The following CYP3A4 variants were observed in gnomAD, a reference collection of about 807,000 sequenced individuals.
CYP3A4 encodes cytochrome P450 family 3 subfamily A member 4, also known as cytochrome P450 3A4.
Under a neutral mutation model 54.9 loss-of-function variants are expected in CYP3A4, and 41 were observed. The observed-to-expected ratio is 0.75, with a 90% CI of 0.58 to 0.97. The LOEUF (loss-of-function observed/expected upper bound fraction) is 0.97. CYP3A4 is among the 50% of genes least tolerant of loss of function. CYP3A4 has a pLI of 0.00. For missense variants in CYP3A4, 510 were observed against 597.3 expected (o/e 0.85, Z 1.52); for synonymous variants, 179 against 205.2 (o/e 0.87, Z 1.09).
rs28988599 is a variant in CYP3A4 at position 99,759,326 on chromosome 7, A to C, written c.1417-1098T>G. 6.7e-3 allele frequency among the ~76,000 whole-genome samples: 1,015 copies of C among 152,362 alleles called. 15 individuals carry two copies. Among genetic ancestry groups the C allele is most frequent in the African/African-American group, 0.023 (975 of 41,582 alleles). On this transcript the variant is annotated intron_variant, in intron 12 of 12. Coordinates refer to ENST00000651514, the MANE Select transcript of CYP3A4 (RefSeq NM_017460.6). ...GTTCTTTAACTTCTTCAGAGAAAAT[A>C]TTTCAAATCTTTCTATAAATATAAT...
intron 1 of CYP3A4, among the ~76,000 whole-genome samples, chr7:99,781,102 A>G (rs578257308): frequency 2.6e-4 from 40 of 152,258 alleles, no homozygotes; most frequent in African/African-American, 9.4e-4. Flanking sequence ...TCCTCGTGAC[A>G]ATGAGTTTTT....
chr7:99,762,097 A>T lies in CYP3A4; in HGVS notation c.1197T>A (p.Tyr399Ter), dbSNP rs1815349383. Residue 399 changes from tyrosine (Y) to a stop codon, truncating the protein, a stop_gained, in exon 11 of 13, where the codon TAT (tyrosine) becomes TAA (stop). Transcript: ENST00000651514. LOFTEE classifies it high-confidence loss of function. ...PKGVVVMIPS[Y>*]ALHRDPKYWT... is the part of the protein sequence containing the mutation. ...AGTACTTTGGGTCACGGTGAAGAGC[A>T]TAGCTTGGAATCATCACCACCACCC... 1 of 1,614,050 alleles carries T rather than the reference A, an allele frequency of 6.2e-7. No homozygotes were observed. Among genetic ancestry groups the T allele is most frequent in the African/African-American group, 1.3e-5 (1 of 75,012 alleles).
chr7:99,760,791 A>T, intron 12 of CYP3A4, 28 bp downstream of exon 12: 9 of 1,609,524 alleles, frequency 5.6e-6, no homozygotes, highest in Non-Finnish European at 6.8e-6. Flanking sequence ...TATTAATACA[A>T]CATTATTTTT....
At position 99,770,104 on chromosome 7, in the gene CYP3A4, C is replaced by T. The variant is rs749512155; in HGVS notation, c.432+18G>A. On this transcript the variant is annotated intron_variant, in intron 5 of 12. Transcript: ENST00000651514. ...TCATTCTTTAAGTTTCTTATTAAAA[C>T]TCATGTTATTTTCATACCTCCTTGA... 11 of 1,598,880 alleles carry T rather than the reference C, an allele frequency of 6.9e-6. No homozygotes were observed. The African/African-American group carries it at 9.4e-5, about 14-fold the overall frequency.
chr7:99,774,263 A>G (rs1224572880), intron 3 of CYP3A4, among the ~76,000 whole-genome samples: 1 of 152,222 alleles, frequency 6.6e-6, no homozygotes, highest in African/African-American at 2.4e-5. Flanking sequence ...TACCAGAGAT[A>G]CAAAGAGGAG....
At position 99,770,234 on chromosome 7, in the gene CYP3A4, G is replaced by C. The variant is rs748422560; in HGVS notation, c.320C>G (p.Pro107Arg). The change falls in exon 5 of 13, where the codon CCT (proline) becomes CGT (arginine). Residue 107 changes from proline to arginine, a missense_variant and splice_region_variant. By Grantham distance (103) the Pro-to-Arg change is moderately radical. Transcript: ENST00000651514. Reference sequence around the variant, plus strand: ...TTTCATAAATCCCACTGGACCAAAAGGCTAGAGTTCAAAGCAGAAACATTT... The same window carrying C: ...TTTCATAAATCCCACTGGACCAAAACGCTAGAGTTCAAAGCAGAAACATTT... ...ECYSVFTNRR[P>R]FGPVGFMKSA... 1.9e-6 allele frequency: 3 copies of C among 1,609,692 alleles called. No homozygotes were observed. Among genetic ancestry groups the C allele is most frequent in the Non-Finnish European group, 2.6e-6 (3 of 1,176,164 alleles).
chr7:99,768,132 G>A (rs894064849), intron 7 of CYP3A4, among the ~76,000 whole-genome samples: 2 of 152,138 alleles, frequency 1.3e-5, no homozygotes, highest in African/African-American at 2.4e-5. Context: ...ATGATGACAG[G>A]GTTTGTGACA....
At chr7:99,761,598 A>G (rs942774917) in intron 11 of CYP3A4, among the ~76,000 whole-genome samples, 1 of 152,210 alleles carries the variant, frequency 6.6e-6, no homozygotes, top group Non-Finnish European at 1.5e-5. Context: ...GTAATGCAGT[A>G]TCATCACTGC....
chr7:99,758,136 G>A lies in CYP3A4; in HGVS notation c.1509C>T (p.Ala503=). 1 of 1,613,610 alleles carries A rather than the reference G, an allele frequency of 6.2e-7. No homozygotes were observed. Reference sequence around the variant, plus strand: ...AAGCAGAAGTCCTTAGGAAAATTCAGGCTCCACTTACGGTGCCATCCCTTG... The same window carrying A: ...AAGCAGAAGTCCTTAGGAAAATTCAAGCTCCACTTACGGTGCCATCCCTTG... ...VESRDGTVSG[A] Residue 503 remains alanine (A), a synonymous_variant, in exon 13 of 13, where the codon GCC becomes GCT. Transcript: ENST00000651514.
At chr7:99,762,933 C>T (rs1311733872) in intron 10 of CYP3A4, among the ~76,000 whole-genome samples, 1 of 152,214 alleles carries the variant, frequency 6.6e-6, no homozygotes, top group East Asian at 1.9e-4. Flanking sequence ...CTTCATACCA[C>T]AAAGAATCCC....
chr7:99,765,916 G>A (rs1563040904), intron 9 of CYP3A4, among the ~76,000 whole-genome samples: 1 of 152,114 alleles, frequency 6.6e-6, no homozygotes, highest in African/African-American at 2.4e-5. Flanking sequence ...TTTTGGAACA[G>A]CGTGGCTCCT....
chr7:99,766,867 C>G, intron 8 of CYP3A4: 1 of 377,670 alleles, frequency 2.6e-6, no homozygotes, highest in Non-Finnish European at 4.8e-6. Context: ...AAAGTTTTAT[C>G]TCAATAAAAT....
rs1249052361 is a variant in CYP3A4, at chr7:99,757,177, A to C, written c.*956T>G. 2 of 152,170 alleles carry C rather than the reference A, an allele frequency of 1.3e-5. No individual in the cohort carries two copies. Among genetic ancestry groups the C allele is most frequent in the African/African-American group, 4.8e-5 (2 of 41,442 alleles). The allele number at this position is 152,170 out of a possible 1,614,324, so 9.4% of individuals were successfully genotyped here. ...GTTACAAAATGTACGTGCTTCAAAA[A>C]GGCATATTTTTTTAAGACTGAGTCT... On this transcript the variant is annotated 3_prime_UTR_variant, in exon 13 of 13. Coordinates refer to ENST00000651514, the MANE Select transcript of CYP3A4 (RefSeq NM_017460.6).
intron 12 of CYP3A4, among the ~76,000 whole-genome samples, chr7:99,759,705 T>C (rs949970228): frequency 1.6e-4 from 24 of 152,260 alleles, no homozygotes; most frequent in African/African-American, 5.5e-4. Flanking sequence ...AAATTTATGA[T>C]AATAGCCTCC....
chr7:99,758,133 T>G lies in CYP3A4; in HGVS notation c.1512A>C (p.Ter504CysextTer27). 1 of 1,613,424 alleles carries G rather than the reference T, an allele frequency of 6.2e-7. No homozygotes were observed. Among genetic ancestry groups the G allele is most frequent in the Middle Eastern group, 1.7e-4 (1 of 6,060 alleles). Residue 504 changes from the stop codon to cysteine (C), a stop_lost, in exon 13 of 13, where the codon TGA (stop) becomes TGC (cysteine). Coordinates refer to ENST00000651514, the MANE Select transcript of CYP3A4 (RefSeq NM_017460.6). ...ESRDGTVSGA* is the reference protein window; with the variant it reads ...ESRDGTVSGAC Reference sequence around the variant, plus strand: ...GCAAAGCAGAAGTCCTTAGGAAAATTCAGGCTCCACTTACGGTGCCATCCC... The same window carrying G: ...GCAAAGCAGAAGTCCTTAGGAAAATGCAGGCTCCACTTACGGTGCCATCCC...
At chr7:99,774,207 A>G (rs545656707) in intron 3 of CYP3A4, among the ~76,000 whole-genome samples, 1 of 152,310 alleles carries the variant, frequency 6.6e-6, no homozygotes, top group Non-Finnish European at 1.5e-5. Context: ...TTAATAGGCT[A>G]CCAACCAAAA....
At chr7:99,759,980 T>C (rs1815275951) in intron 12 of CYP3A4, among the ~76,000 whole-genome samples, 1 of 151,948 alleles carries the variant, frequency 6.6e-6, no homozygotes, top group South Asian at 2.1e-4. Context: ...GGACTACAGG[T>C]GCCTGCCACC....
intron 1 of CYP3A4, 129 bp downstream of exon 1, chr7:99,783,882 T>G: frequency 9.3e-7 from 1 of 1,069,626 alleles, no homozygotes; most frequent in South Asian, 1.3e-5. Flanking sequence ...GTGCTGGGAT[T>G]ACAGGTGTAA....
At chr7:99,778,127 T>C (rs761848822) in intron 2 of CYP3A4, 47 bp from the exon 3 acceptor site, 2 of 1,478,324 alleles carry the variant, frequency 1.4e-6, no homozygotes, top group South Asian at 2.3e-5. Context: ...TTTAATGTAC[T>C]TAACCCTGCC....
Sources: allele counts gnomAD v4.1 joint callset (sites outside exome capture counted in the v4.1 genomes callset), GRCh38; gene constraint gnomAD v4.1.1; transcripts MANE v1.5; gene names NCBI Gene and HGNC (gene_info 2026-07-23, HGNC 2026-07-21).